The following LEMD3 variants were observed in gnomAD, a reference collection of about 807,000 sequenced individuals.
LEMD3 encodes the protein LEM domain containing 3.
LEMD3 carries 33 observed loss-of-function variants against 95.2 expected under a neutral mutation model. That is an observed-to-expected ratio of 0.35 (90% CI 0.26 to 0.46). The LOEUF is 0.46. Among genes scored for constraint, LEMD3 ranks in the 20% least tolerant of loss-of-function variants. LEMD3 has a pLI of 1.00. For missense variants in LEMD3, 1,210 were observed against 1,192.8 expected (o/e 1.01, Z -0.21); for synonymous variants, 525 against 474.6 (o/e 1.11, Z -1.38).
chr12:65,212,419 C>A (rs941623143), intron 2 of LEMD3, among the ~76,000 whole-genome samples: 178 of 152,088 alleles, frequency 1.2e-3, no homozygotes, highest in African/African-American at 4.2e-3. Context: ...CGCCTGTAGT[C>A]CCAGCTACTC....
At chr12:65,207,527 T>A (rs563468218) in intron 1 of LEMD3, among the ~76,000 whole-genome samples, 1 of 152,188 alleles carries the variant, frequency 6.6e-6, no homozygotes, top group East Asian at 1.9e-4. Flanking sequence ...TCAAGGCAAA[T>A]TGGAGAAGAA....
intron 4 of LEMD3, among the ~76,000 whole-genome samples, chr12:65,228,942 GT>G (rs1385976036): frequency 1.3e-5 from 2 of 152,096 alleles, no homozygotes; most frequent in Non-Finnish European, 2.9e-5. Context: ...CTCCTACCTA[GT>G]TATAATTTCA....
intron 2 of LEMD3, among the ~76,000 whole-genome samples, chr12:65,214,780 C>T (rs1381438051): frequency 6.6e-6 from 1 of 152,180 alleles, no homozygotes; most frequent in Non-Finnish European, 1.5e-5. Flanking sequence ...CCTGATAAAT[C>T]ATGGACTTAT....
Position 65,246,809 on chromosome 12 carries a change from T to C in LEMD3, c.*484T>C, listed in dbSNP as rs1316505063. On this transcript the variant is annotated 3_prime_UTR_variant, in exon 13 of 13. Transcript: ENST00000308330. ...TTTCTGTTGCTTATAAGCGATTCAT[T>C]TGCTACGGCTGGAATATGGGAAAAT... 1.9e-5 allele frequency: 3 copies of C among 160,670 alleles called. No homozygotes were observed. The highest frequency in any genetic ancestry group is 4.1e-5 in the Non-Finnish European group (3 of 73,378). 10.0% of individuals were successfully genotyped at this position (160,670 alleles called of 1,614,324 possible). A position where few individuals can be genotyped will look rare whatever the true frequency, so the allele number is the denominator to read the frequency against.
In LEMD3 at chr12:65,240,981, A is replaced by G; in HGVS notation, c.2199A>G (p.Glu733=). The G allele has an allele frequency of 6.2e-7, 1 of 1,614,114 alleles. No homozygotes were observed. Among genetic ancestry groups the G allele is most frequent in the Non-Finnish European group, 8.5e-7 (1 of 1,179,964 alleles). Residue 733 remains glutamate (E), a synonymous_variant, in exon 9 of 13, where the codon GAA becomes GAG. Coordinates refer to ENST00000308330, the MANE Select transcript of LEMD3 (RefSeq NM_014319.5). The part of the protein sequence containing the change: ...LAANESRVRT[E]TRRIGGADFL... The stretch of plus-strand genomic sequence containing the variant: ...CTAATGAGTCTAGAGTTCGCACGGA[A>G]ACACGAAGAATAGGTGGTGCAGATT...
At chr12:65,213,217 CTGTT>C (rs574381800) in intron 2 of LEMD3, among the ~76,000 whole-genome samples, 20 of 152,022 alleles carry the variant, frequency 1.3e-4, no homozygotes, top group Non-Finnish European at 2.5e-4. Flanking sequence ...GTCATTTAAA[CTGTT>C]TGTTTGTTTG....
chr12:65,186,528 GAT>G (rs1226203784), intron 1 of LEMD3, among the ~76,000 whole-genome samples: 1 of 151,276 alleles, frequency 6.6e-6, no homozygotes, highest in Non-Finnish European at 1.5e-5. Flanking sequence ...AAACTAGGAT[GAT>G]TTAGGAGAGT....
chr12:65,241,004 A>T lies in LEMD3; in HGVS notation c.2222A>T (p.Asp741Val). Residue 741 changes from aspartate to valine, a missense_variant, in exon 9 of 13, where the codon GAT (aspartate) becomes GTT (valine). By Grantham distance (152) the Asp-to-Val change is radical. This residue lies in a region of LEMD3 where 461 missense variants were observed against 569.8 expected (regional missense o/e 0.81). Coordinates refer to ENST00000308330, the MANE Select transcript of LEMD3 (RefSeq NM_014319.5). ...GAAACACGAAGAATAGGTGGTGCAG[A>T]TTTTCTGGTTTGGCGGTGGATCCAG... ...RTETRRIGGA[D>V]FLVWRWIQPS... 1 of 1,614,064 alleles carries T rather than the reference A, an allele frequency of 6.2e-7. No individual in the cohort carries two copies. Among genetic ancestry groups the T allele is most frequent in the Non-Finnish European group, 8.5e-7 (1 of 1,179,946 alleles).
intron 2 of LEMD3, among the ~76,000 whole-genome samples, chr12:65,215,028 C>T (rs950644586): frequency 6.6e-6 from 1 of 151,652 alleles, no homozygotes; most frequent in Non-Finnish European, 1.5e-5. Context: ...TCCTGATGCA[C>T]AAGTCTGTTT....
At chr12:65,210,064 T>C (rs1462596013) in intron 1 of LEMD3, among the ~76,000 whole-genome samples, 1 of 152,060 alleles carries the variant, frequency 6.6e-6, no homozygotes, top group Non-Finnish European at 1.5e-5. Context: ...AGACTCTGAA[T>C]AAAAACCCTG....
At position 65,170,701 on chromosome 12, in the gene LEMD3, C is replaced by A. The variant is rs371098833; in HGVS notation, c.1105C>A (p.Pro369Thr). 6.2e-7 allele frequency: 1 copy of A among 1,614,106 alleles called. No individual in the cohort carries two copies. Among genetic ancestry groups the A allele is most frequent in the African/African-American group, 1.3e-5 (1 of 74,932 alleles). Residue 369 changes from proline to threonine, a missense_variant, in exon 1 of 13, where the codon CCC becomes ACC. By Grantham distance (38) the Pro-to-Thr change is conservative (BLOSUM62 -1). Coordinates refer to ENST00000308330, the MANE Select transcript of LEMD3 (RefSeq NM_014319.5). ...VNAKKLTPLL[P>T]PPLTDMDSTL... Reference sequence around the variant, plus strand: ...CGCTAAGAAACTGACCCCTCTCCTGCCCCCGCCACTTACTGACATGGACTC... The same window carrying A: ...CGCTAAGAAACTGACCCCTCTCCTGACCCCGCCACTTACTGACATGGACTC...
chr12:65,170,101 G>T lies in LEMD3; in HGVS notation c.505G>T (p.Gly169Trp). 6.8e-7 allele frequency: 1 copy of T among 1,466,222 alleles called. No individual in the cohort carries two copies. The allele number at this position is 1,466,222 out of a possible 1,614,324, so 90.8% of individuals were successfully genotyped here. The change falls in exon 1 of 13, where the codon GGG becomes TGG. Residue 169 changes from glycine to tryptophan, a missense_variant. By Grantham distance (184) the Gly-to-Trp change is radical. Coordinates refer to ENST00000308330, the MANE Select transcript of LEMD3 (RefSeq NM_014319.5). ...AGACCGGGCTTCGCTCCAGTACCGC[G>T]GGCTCAAAGCGCCGCCGGCGCCCCT... ...RKDRASLQYRGLKAPPAPLAA... is the reference protein window; with the variant it reads ...RKDRASLQYRWLKAPPAPLAA...
At chr12:65,179,122 C>T (rs780661573) in intron 1 of LEMD3, among the ~76,000 whole-genome samples, 1 of 152,062 alleles carries the variant, frequency 6.6e-6, no homozygotes, top group African/African-American at 2.4e-5. Context: ...AGTCTCAAAA[C>T]TGGTAGGGAA....
At chr12:65,245,402 G>A in intron 10 of LEMD3, 1 of 396,096 alleles carries the variant, frequency 2.5e-6, no homozygotes, top group Non-Finnish European at 4.7e-6. Context: ...GCCTCTCAAA[G>A]TGCTGGGATT....
chr12:65,169,610 C>T lies in LEMD3; in HGVS notation c.14C>T (p.Ala5Val), dbSNP rs1257147609. The change falls in exon 1 of 13, where the codon GCA becomes GTA. Residue 5 changes from alanine (A) to valine (V), a missense_variant. Physicochemically the swap from Ala to Val is moderately conservative, Grantham distance 64. Coordinates refer to ENST00000308330, the MANE Select transcript of LEMD3 (RefSeq NM_014319.5). ...CCTGGAGAGAAAATGGCGGCGGCAG[C>T]AGCTTCGGCGCCTCAGCAGCTCTCG... is the stretch of plus-strand genomic sequence containing the variant. MAAA[A>V]ASAPQQLSDE... The T allele has an allele frequency of 1.9e-6, 3 of 1,587,792 alleles. No individual in the cohort carries two copies. Among genetic ancestry groups the T allele is most frequent in the Non-Finnish European group, 2.6e-6 (3 of 1,169,350 alleles).
At chr12:65,222,950 G>C (rs892470525) in intron 4 of LEMD3, among the ~76,000 whole-genome samples, 2 of 152,016 alleles carry the variant, frequency 1.3e-5, no homozygotes, top group Admixed American at 6.6e-5. Flanking sequence ...GAATTTCTCA[G>C]TTTTTCTCTG....
intron 9 of LEMD3, among the ~76,000 whole-genome samples, 163 bp downstream of exon 9, chr12:65,241,250 C>A (rs1161926011): frequency 6.6e-6 from 1 of 152,098 alleles, no homozygotes; most frequent in Non-Finnish European, 1.5e-5. Flanking sequence ...TCCTTCCACA[C>A]TTTTATCTTT....
chr12:65,177,424 CTG>C (rs1868757269), intron 1 of LEMD3, among the ~76,000 whole-genome samples: 1 of 152,100 alleles, frequency 6.6e-6, no homozygotes, highest in African/African-American at 2.4e-5. Flanking sequence ...GCCTGGATGA[CTG>C]AGAGAATGAT....
At chr12:65,180,531 A>G (rs1246636515) in intron 1 of LEMD3, among the ~76,000 whole-genome samples, 5 of 152,108 alleles carry the variant, frequency 3.3e-5, no homozygotes, top group Non-Finnish European at 5.9e-5. Context: ...TATAAAAGTT[A>G]TAGTAACAGA....
Sources: gnomAD v4.1 joint callset for allele counts (sites outside exome capture counted in the v4.1 genomes callset) on GRCh38, gnomAD v4.1.1 for gene constraint, gnomAD v4.1.1 regional missense constraint, MANE v1.5 for transcripts, NCBI Gene and HGNC (gene_info 2026-07-23, HGNC 2026-07-21) for gene names.